Variants in PTPRB observed in about 807,000 individuals in gnomAD.
PTPRB encodes protein tyrosine phosphatase receptor type B.
PTPRB carries 97 observed loss-of-function variants against 238.1 expected under a neutral mutation model. The ratio of observed to expected loss-of-function variants is 0.41; its 90% CI spans 0.35 to 0.48. PTPRB has a LOEUF of 0.48. Ranked by LOEUF, PTPRB falls within the 20% of genes least tolerant of loss-of-function variation. The pLI, the probability that PTPRB is intolerant of heterozygous loss-of-function variation, is 0.30. For missense variants in PTPRB, 2,292 were observed against 2,681.9 expected (o/e 0.85, Z 3.21); for synonymous variants, 970 against 995.4 (o/e 0.97, Z 0.48).
chr12:70,538,722 T>C, intron 27 of PTPRB: 1 of 586,572 alleles, frequency 1.7e-6, no homozygotes, highest in South Asian at 2.1e-5. Flanking sequence ...AAGAGGACTT[T>C]CATAATCAGA....
chr12:70,584,942 T>C (rs964194685), intron 9 of PTPRB: 18 of 149,884 alleles, frequency 1.2e-4, no homozygotes, highest in African/African-American at 4.4e-4. Context: ...CAATAGTATA[T>C]ACATTGAAAA....
intron 23 of PTPRB, 42 bp downstream of exon 23, chr12:70,540,816 T>A: frequency 7.0e-7 from 1 of 1,437,344 alleles, no homozygotes; most frequent in Non-Finnish European, 9.5e-7. Context: ...GTTGCATTTT[T>A]AAAGTTGTGG....
chr12:70,541,818 A>G (rs1433817078), intron 22 of PTPRB: 1 of 152,212 alleles, frequency 6.6e-6, no homozygotes, highest in Non-Finnish European at 1.5e-5. Context: ...TGGTTGAATA[A>G]TCGTCCATTG....
intron 12 of PTPRB, 48 bp downstream of exon 12, chr12:70,571,776 G>T (rs1880077117): frequency 6.4e-7 from 1 of 1,569,808 alleles, no homozygotes; most frequent in South Asian, 1.2e-5. Flanking sequence ...AATTACTAGA[G>T]ACTTTCAAGT....
Position 70,562,611 on chromosome 12 carries a change from C to G in PTPRB, c.4168+233G>C, listed in dbSNP as rs1027444202. ...GGAACCGCATTCATTTTTTACCAAG[C>G]CCTAGGAAGTAAATAAGTGGAGGCA... On this transcript the variant is annotated intron_variant, in intron 16 of 33. Coordinates refer to ENST00000334414, the MANE Select transcript of PTPRB (RefSeq NM_001109754.4). 1.5e-4 allele frequency among the ~76,000 whole-genome samples: 23 copies of G among 152,222 alleles called. 3 individuals carry two copies. The South Asian group carries it at 4.6e-3, about 30-fold the overall frequency.
At chr12:70,597,859 G>A (rs1883164973) in intron 4 of PTPRB, among the ~76,000 whole-genome samples, 1 of 152,156 alleles carries the variant, frequency 6.6e-6, no homozygotes, top group Non-Finnish European at 1.5e-5. Flanking sequence ...GACTATGTAT[G>A]GCTGACCAAT....
At position 70,592,234 on chromosome 12, in the gene PTPRB, A is replaced by T. The variant is rs772795301; in HGVS notation, c.1780+48T>A. ...ATTTTGTCCTATTTTAAGGTGGATC[A>T]GAGAGTGATTTGAGCAACCAAGGAA... On this transcript the variant is annotated intron_variant, in intron 7 of 33. Coordinates refer to ENST00000334414, the MANE Select transcript of PTPRB (RefSeq NM_001109754.4). 23 of 1,612,658 alleles carry T rather than the reference A, an allele frequency of 1.4e-5. No homozygotes were observed. In the Admixed American group the frequency reaches 3.3e-4, roughly 23 times the overall value.
At chr12:70,537,368 C>T (rs570974632) in intron 28 of PTPRB, among the ~76,000 whole-genome samples, 2 of 151,314 alleles carry the variant, frequency 1.3e-5, no homozygotes, top group Non-Finnish European at 1.5e-5. Context: ...TCTGCCTTTT[C>T]ACAAGATCCT....
In PTPRB at chr12:70,524,644, A is replaced by G; in HGVS notation, c.6505-53T>C. On this transcript the variant is annotated intron_variant, in intron 32 of 33. Transcript: ENST00000334414. Reference sequence around the variant, plus strand: ...GAGGGCCTGTTCTCATGCATAAGAAAGATGAGAAACTCACAAACTGTTGAC... The same window carrying G: ...GAGGGCCTGTTCTCATGCATAAGAAGGATGAGAAACTCACAAACTGTTGAC... 2.6e-6 allele frequency: 4 copies of G among 1,519,612 alleles called. 1 individual carries two copies. The South Asian group carries it at 5.1e-5, about 19-fold the overall frequency. 94.1% of individuals were successfully genotyped at this position (1,519,612 alleles called of 1,614,324 possible).
At chr12:70,535,938 T>C in intron 29 of PTPRB, 87 bp downstream of exon 29, 1 of 1,532,404 alleles carries the variant, frequency 6.5e-7, no homozygotes, top group Non-Finnish European at 8.9e-7. Context: ...CTACGTTGTT[T>C]TGCGGGGTTT....
intron 31 of PTPRB, among the ~76,000 whole-genome samples, chr12:70,532,615 T>G (rs577540583): frequency 9.7e-4 from 147 of 152,188 alleles, no homozygotes; most frequent in African/African-American, 3.3e-3. Context: ...CTTTCCTTCC[T>G]TCTTTCTTTC....
chr12:70,526,929 A>G (rs1465308853), intron 32 of PTPRB, among the ~76,000 whole-genome samples: 2 of 152,340 alleles, frequency 1.3e-5, no homozygotes, highest in East Asian at 1.9e-4. Flanking sequence ...CTTAAATACA[A>G]ATTCTTCCTT....
chr12:70,577,692 T>C (rs1290195177), intron 10 of PTPRB, among the ~76,000 whole-genome samples: 3 of 152,210 alleles, frequency 2.0e-5, no homozygotes, highest in Non-Finnish European at 4.4e-5. Context: ...ATCCTTCTAA[T>C]GTAATATGTT....
At chr12:70,609,710 T>G in intron 3 of PTPRB, 3 of 1,511,802 alleles carry the variant, frequency 2.0e-6, no homozygotes, top group Non-Finnish European at 2.7e-6. Context: ...GGAATTTGGT[T>G]TTCGGCGGGG....
Position 70,560,845 on chromosome 12 carries a change from C to T in PTPRB, c.4258G>A (p.Asp1420Asn), listed in dbSNP as rs112738980. ...TTATAGAGAATCAGCTCATAAAAGT[C>T]AAAGTCCCCAGAGGCTGGACTCCAG... is the stretch of plus-strand genomic sequence containing the variant. Reference protein sequence around the residue: ...FNWSPASGDFDFYELILYNPN... With the variant: ...FNWSPASGDFNFYELILYNPN... The change falls in exon 17 of 34, where the codon GAC becomes AAC. Residue 1420 changes from aspartate (D) to asparagine (N), a missense_variant. Asp to Asn is a conservative substitution (Grantham distance 23). Around this residue, in one of 4 missense-constraint regions of PTPRB, gnomAD observed 683 missense variants for 862.0 expected, o/e 0.79. Coordinates refer to ENST00000334414, the MANE Select transcript of PTPRB (RefSeq NM_001109754.4). The surrounding 1 kb of genome is among the most constrained non-coding windows in gnomAD (Gnocchi z 4.2). 1 of 1,613,966 alleles carries T rather than the reference C, an allele frequency of 6.2e-7. No individual in the cohort carries two copies. The highest frequency in any genetic ancestry group is 2.2e-5 in the East Asian group (1 of 44,874).
chr12:70,622,669 G>A, intron 2 of PTPRB, 23 bp from the exon 3 acceptor site: 1 of 1,533,684 alleles, frequency 6.5e-7, no homozygotes, highest in Non-Finnish European at 8.8e-7. Flanking sequence ...AAAGATAGTT[G>A]CAAAGATTAT....
At chr12:70,637,295 T>G (rs749914477) in intron 1 of PTPRB, 46 bp downstream of exon 1, 1 of 1,548,510 alleles carries the variant, frequency 6.5e-7, no homozygotes, top group Non-Finnish European at 8.8e-7. Flanking sequence ...ACTCCTTGGC[T>G]AGATCTTGAA....
chr12:70,606,836 T>A (rs1442340369), intron 4 of PTPRB, among the ~76,000 whole-genome samples: 1 of 152,188 alleles, frequency 6.6e-6, no homozygotes, highest in Admixed American at 6.5e-5. Context: ...TTTTAAAATA[T>A]CTTATTTAAA....
chr12:70,608,168 T>C (rs1884122074), intron 4 of PTPRB, among the ~76,000 whole-genome samples: 1 of 152,230 alleles, frequency 6.6e-6, no homozygotes, highest in South Asian at 2.1e-4. Flanking sequence ...AATTTGACTT[T>C]TAAAATTTTA....
Sources: allele counts gnomAD v4.1 joint callset (sites outside exome capture counted in the v4.1 genomes callset), GRCh38; gene constraint gnomAD v4.1.1; regional missense constraint gnomAD v4.1.1; non-coding constraint Gnocchi (gnomAD v3.1); transcripts MANE v1.5; gene names NCBI Gene and HGNC (gene_info 2026-07-23, HGNC 2026-07-21).